The following RAB8B variants were observed in gnomAD, a reference collection of about 807,000 sequenced individuals.
The protein encoded by RAB8B is ras-related protein Rab-8B.
A neutral mutation model predicts 32.0 loss-of-function variants in RAB8B; 11 were observed. The observed-to-expected ratio is 0.34, with a 90% confidence interval of 0.22 to 0.57. The LOEUF is 0.57. Ranked by LOEUF, RAB8B falls within the 20% of genes least tolerant of loss-of-function variation. RAB8B has a pLI of 0.86. For synonymous variants in RAB8B, 103 were observed against 89.6 expected (o/e 1.15, Z -0.85); for missense variants, 190 against 258.5 (o/e 0.73, Z 1.82).
At chr15:63,256,664 T>G in intron 5 of RAB8B, 70 bp downstream of exon 5, 1 of 1,143,306 alleles carries the variant, frequency 8.7e-7, no homozygotes, top group Non-Finnish European at 1.2e-6. Context: ...TCATATTATT[T>G]AATTATTGAT....
intron 1 of RAB8B, among the ~76,000 whole-genome samples, chr15:63,209,109 T>C (rs751304974): frequency 3.3e-5 from 5 of 151,946 alleles, no homozygotes; most frequent in Admixed American, 1.3e-4. Context: ...CAGGCTGGTT[T>C]TGAACTCCTG....
chr15:63,214,301 T>C (rs2037773643), intron 1 of RAB8B, among the ~76,000 whole-genome samples: 1 of 143,578 alleles, frequency 7.0e-6, no homozygotes, highest in South Asian at 2.3e-4. Flanking sequence ...TTTTTTTTTT[T>C]TTTTTTTTGA....
rs1212796355 is a variant in RAB8B at position 63,216,234 on chromosome 15, A to ATTT, written c.124+26495_124+26497dup. 2.1e-3 allele frequency among the ~76,000 whole-genome samples: 278 copies of ATTT among 133,314 alleles called. 3 individuals carry two copies. Among genetic ancestry groups the ATTT allele is most frequent in the African/African-American group, 6.4e-3 (228 of 35,544 alleles). 87.5% of individuals were successfully genotyped at this position (133,314 alleles called of 152,430 possible). ...TTAATTAATTAATTAATTAATTATTATTTTTTTTTTTGGAGACAGAGTCTT... is the reference window on the plus strand; with the variant it reads ...TTAATTAATTAATTAATTAATTATTATTTTTTTTTTTTTTGGAGACAGAGTCTT... On this transcript the variant is annotated intron_variant, in intron 1 of 7. Coordinates refer to ENST00000321437, the MANE Select transcript of RAB8B (RefSeq NM_016530.3).
chr15:63,223,834 G>A (rs8032533), intron 1 of RAB8B: 93,155 of 418,312 alleles, frequency 0.22, 11,306 homozygotes, highest in Admixed American at 0.32. Context: ...TCTTTATATT[G>A]TTTTCTTCTA....
At chr15:63,236,865 T>C (rs1441659629) in intron 1 of RAB8B, among the ~76,000 whole-genome samples, 1 of 152,194 alleles carries the variant, frequency 6.6e-6, no homozygotes, top group Non-Finnish European at 1.5e-5. Context: ...TAACTATTTT[T>C]TGTACCCATT....
intron 3 of RAB8B, 52 bp downstream of exon 3, chr15:63,249,757 T>C: frequency 1.3e-6 from 2 of 1,541,368 alleles, no homozygotes; most frequent in Non-Finnish European, 1.8e-6. Context: ...AAAGCATGAA[T>C]GTTTGTTTGC....
At chr15:63,252,637 G>T (rs2038125839) in intron 3 of RAB8B, among the ~76,000 whole-genome samples, 1 of 152,146 alleles carries the variant, frequency 6.6e-6, no homozygotes. Flanking sequence ...CAAACACATT[G>T]CATCAGGAAT....
At chr15:63,257,518 C>T (rs962325561) in intron 5 of RAB8B, among the ~76,000 whole-genome samples, 10 of 152,060 alleles carry the variant, frequency 6.6e-5, no homozygotes, top group Non-Finnish European at 1.2e-4. Context: ...CCACCTGCCT[C>T]GGCCTCCCAA....
At chr15:63,200,460 A>G (rs1282641956) in intron 1 of RAB8B, among the ~76,000 whole-genome samples, 1 of 152,220 alleles carries the variant, frequency 6.6e-6, no homozygotes, top group Non-Finnish European at 1.5e-5. Context: ...AGAAATGTAT[A>G]AAGTATTTTC....
At chr15:63,224,239 A>G (rs914678447) in intron 1 of RAB8B, among the ~76,000 whole-genome samples, 4 of 152,196 alleles carry the variant, frequency 2.6e-5, no homozygotes, top group African/African-American at 7.2e-5. Flanking sequence ...TGCAACTATA[A>G]TTAGATAGAG....
At chr15:63,242,860 G>T (rs891112025) in intron 1 of RAB8B, among the ~76,000 whole-genome samples, 3 of 152,082 alleles carry the variant, frequency 2.0e-5, no homozygotes, top group Non-Finnish European at 4.4e-5. Context: ...GGGACTGGAG[G>T]TGGTGGTGGT....
At chr15:63,197,949 C>T (rs2037616937) in intron 1 of RAB8B, among the ~76,000 whole-genome samples, 2 of 152,060 alleles carry the variant, frequency 1.3e-5, no homozygotes, top group African/African-American at 4.8e-5. Flanking sequence ...TGCTGTCCAA[C>T]ATGTTATGGC....
chr15:63,226,739 C>T (rs2037891715), intron 1 of RAB8B, among the ~76,000 whole-genome samples: 1 of 152,132 alleles, frequency 6.6e-6, no homozygotes, highest in Admixed American at 6.5e-5. Context: ...AGAGAGGGTT[C>T]TTGGATCTCA....
chr15:63,237,694 T>A (rs1296295369), intron 1 of RAB8B, among the ~76,000 whole-genome samples: 4 of 152,196 alleles, frequency 2.6e-5, no homozygotes, highest in African/African-American at 9.7e-5. Context: ...GTCTCTTCAC[T>A]TTGCTCATTG....
intron 1 of RAB8B, among the ~76,000 whole-genome samples, chr15:63,194,223 G>T (rs1266627606): frequency 6.6e-6 from 1 of 152,042 alleles, no homozygotes; most frequent in Non-Finnish European, 1.5e-5. Context: ...AGGTTTAATT[G>T]ACACCCTCAA....
chr15:63,209,831 A>G (rs1319797931), intron 1 of RAB8B, among the ~76,000 whole-genome samples: 1 of 151,804 alleles, frequency 6.6e-6, no homozygotes, highest in Non-Finnish European at 1.5e-5. Context: ...TACATGTGCC[A>G]TGGTGGTTTG....
intron 2 of RAB8B, among the ~76,000 whole-genome samples, chr15:63,245,976 G>T (rs1305822853): frequency 6.6e-6 from 1 of 152,098 alleles, no homozygotes; most frequent in Non-Finnish European, 1.5e-5. Context: ...GGGTTCAAGC[G>T]ATTCTCCTGC....
intron 1 of RAB8B, among the ~76,000 whole-genome samples, chr15:63,191,703 T>G (rs1289197844): frequency 6.6e-6 from 1 of 152,232 alleles, no homozygotes; most frequent in East Asian, 1.9e-4. Context: ...ATTCTGTATT[T>G]GAGCCTCCCA....
At chr15:63,227,016 A>G (rs377159410) in intron 1 of RAB8B, among the ~76,000 whole-genome samples, 6 of 152,262 alleles carry the variant, frequency 3.9e-5, no homozygotes, top group East Asian at 1.9e-4. Context: ...TAGCAGTGAC[A>G]ACGACCAGAG....
Sources: gnomAD v4.1 joint callset for allele counts (sites outside exome capture counted in the v4.1 genomes callset) on GRCh38, gnomAD v4.1.1 for gene constraint, MANE v1.5 for transcripts, NCBI Gene and HGNC (gene_info 2026-07-23, HGNC 2026-07-21) for gene names.